The following RASA3 variants were observed in gnomAD, a reference collection of about 807,000 sequenced individuals.
RASA3 encodes the protein ras GTPase-activating protein 3.
Under a neutral mutation model 110.0 loss-of-function variants are expected in RASA3, and 73 were observed. The ratio of observed to expected loss-of-function variants is 0.66; its 90% CI spans 0.55 to 0.81. RASA3 has a LOEUF of 0.81. Ranked by LOEUF, RASA3 falls within the 30% of genes least tolerant of loss-of-function variation. The pLI, the probability that RASA3 is intolerant of heterozygous loss-of-function variation, is 0.00. For missense variants in RASA3, 976 were observed against 1,113.2 expected, an observed-to-expected ratio of 0.88 and a Z score of 1.75; for synonymous variants, 500 against 451.4, an observed-to-expected ratio of 1.11 and a Z score of -1.37.
chr13:114,094,144 T>TC (rs1363180590), intron 1 of RASA3, among the ~76,000 whole-genome samples: 1 of 152,110 alleles, frequency 6.6e-6, no homozygotes, highest in Non-Finnish European at 1.5e-5. Flanking sequence ...ATCCCAAGAG[T>TC]CCCACAGAGA....
chr13:114,016,163 G>T lies in RASA3; in HGVS notation c.1281+34C>A. The stretch of plus-strand genomic sequence containing the variant: ...ATCGGCTGAAAAACCCCAAGCAGGT[G>T]ACTGGCTTTGGTTGGTTCATGAACA... On this transcript the variant is annotated intron_variant, in intron 13 of 23. Transcript: ENST00000334062. 6 of 1,526,746 alleles carry T rather than the reference G, an allele frequency of 3.9e-6. No homozygotes were observed. In the South Asian group the frequency reaches 6.7e-5, roughly 17 times the overall value. The allele number at this position is 1,526,746 out of a possible 1,614,324, so 94.6% of individuals were successfully genotyped here.
chr13:114,063,700 A>T (rs2079400100), intron 2 of RASA3, among the ~76,000 whole-genome samples: 1 of 152,228 alleles, frequency 6.6e-6, no homozygotes, highest in Admixed American at 6.5e-5. Context: ...GGGAACGCAG[A>T]TCTGTGCAGT....
At chr13:114,072,029 C>A (rs1318233567) in intron 2 of RASA3, among the ~76,000 whole-genome samples, 2 of 152,164 alleles carry the variant, frequency 1.3e-5, no homozygotes, top group Non-Finnish European at 2.9e-5. Context: ...CCAAGCCGCT[C>A]CTTATAACCC....
chr13:114,056,750 C>A lies in RASA3; in HGVS notation c.174-4595G>T. ...TAAAAATAGCAGAAAGAGGAAGCTA[C>A]AAGAAAACATACGAACTCCATAAAA... On this transcript the variant is annotated intron_variant, in intron 2 of 23. Transcript: ENST00000334062. The surrounding 1 kb of genome is among the most constrained non-coding windows in gnomAD (Gnocchi z 5.7). The A allele has an allele frequency of 1.2e-6, 1 of 851,014 alleles. No homozygotes were observed. Among genetic ancestry groups the A allele is most frequent in the South Asian group, 5.4e-5 (1 of 18,658 alleles). 52.7% of individuals were successfully genotyped at this position (851,014 alleles called of 1,614,324 possible).
At chr13:113,995,049 C>T (rs985958293) in intron 21 of RASA3, among the ~76,000 whole-genome samples, 3 of 152,244 alleles carry the variant, frequency 2.0e-5, no homozygotes, top group African/African-American at 4.8e-5. Flanking sequence ...ATAGGGGAGG[C>T]TCCCGAGCTG....
At chr13:114,076,098 G>A (rs374004205) in intron 1 of RASA3, among the ~76,000 whole-genome samples, 3 of 152,224 alleles carry the variant, frequency 2.0e-5, no homozygotes, top group Non-Finnish European at 2.9e-5. Context: ...GCTTGCGGCC[G>A]TTTCCCGCCA....
intron 4 of RASA3, among the ~76,000 whole-genome samples, chr13:114,039,432 C>CA (rs1366362146): frequency 6.6e-6 from 1 of 152,142 alleles, no homozygotes; most frequent in African/African-American, 2.4e-5. Context: ...ACCCTACACT[C>CA]AGACGCTCAC....
At chr13:114,108,477 G>A (rs1208574224) in intron 1 of RASA3, among the ~76,000 whole-genome samples, 2 of 60,294 alleles carry the variant, frequency 3.3e-5, no homozygotes, top group African/African-American at 6.7e-5. Context: ...ATCACCCCAC[G>A]TCCATGATCC....
chr13:114,064,807 T>G (rs1417987689), intron 2 of RASA3, among the ~76,000 whole-genome samples: 1 of 152,228 alleles, frequency 6.6e-6, no homozygotes, highest in Admixed American at 6.5e-5. Flanking sequence ...AGATGCGGGA[T>G]GAATGCCTGG....
chr13:114,131,713 CGCACACAT>C (rs1566595512), intron 1 of RASA3, among the ~76,000 whole-genome samples: 1 of 152,248 alleles, frequency 6.6e-6, no homozygotes, highest in East Asian at 1.9e-4. Context: ...CCAGCACACA[CGCACACAT>C]GCACACACAC....
intron 1 of RASA3, among the ~76,000 whole-genome samples, chr13:114,101,052 G>A (rs1338615707): frequency 6.6e-6 from 1 of 152,186 alleles, no homozygotes; most frequent in African/African-American, 2.4e-5. Context: ...GGCCTGAGGA[G>A]CAGCCGGGGG....
chr13:114,078,131 G>A (rs190867487), intron 1 of RASA3, among the ~76,000 whole-genome samples: 1 of 152,278 alleles, frequency 6.6e-6, no homozygotes. Context: ...GCCTGGCCAC[G>A]TCGCCCCGGG....
intron 1 of RASA3, among the ~76,000 whole-genome samples, chr13:114,088,946 G>T (rs562243593): frequency 8.3e-4 from 126 of 152,262 alleles, no homozygotes; most frequent in Non-Finnish European, 1.4e-3. Flanking sequence ...CGATCCGTAA[G>T]AAATAAATAG....
intron 22 of RASA3, among the ~76,000 whole-genome samples, chr13:113,991,925 CAT>C (rs547692251): frequency 1.1e-3 from 162 of 152,174 alleles, no homozygotes; most frequent in Middle Eastern, 6.8e-3. Context: ...CACTCTCATA[CAT>C]GTCATGTCCA....
In RASA3 at chr13:114,018,861, A is replaced by G; in HGVS notation, c.844T>C (p.Ser282Pro). The G allele has an allele frequency of 6.2e-7, 1 of 1,613,926 alleles. No homozygotes were observed. The highest frequency in any genetic ancestry group is 8.5e-7 in the Non-Finnish European group (1 of 1,179,992). The change falls in exon 10 of 24, where the codon TCC (serine) becomes CCC (proline). Residue 282 changes from serine to proline, a missense_variant. Physicochemically the swap from Ser to Pro is moderately conservative, Grantham distance 74. Around this residue, in one of 4 missense-constraint regions of RASA3, gnomAD observed 732 missense variants for 779.7 expected, o/e 0.94. Transcript: ENST00000334062. The stretch of plus-strand genomic sequence containing the variant: ...GTGTATACCACGTTCAGCCGCAGGG[A>G]GCCCAGGTCGTCTGGCTTTAGGCTC... The part of the protein sequence containing the change: ...SKSLKPDDLG[S>P]LRLNVVYTED...
intron 4 of RASA3, among the ~76,000 whole-genome samples, chr13:114,034,079 C>T (rs2054234006): frequency 6.6e-6 from 1 of 152,180 alleles, no homozygotes; most frequent in South Asian, 2.1e-4. Context: ...CCCTGAACAC[C>T]AGCCGGGCAG....
chr13:114,103,119 G>A (rs1291248657), intron 1 of RASA3, among the ~76,000 whole-genome samples: 7 of 152,194 alleles, frequency 4.6e-5, no homozygotes, highest in African/African-American at 9.7e-5. Context: ...GCCAATGGCC[G>A]TGACTGTTGC....
At chr13:114,109,943 G>A (rs1433161866) in intron 1 of RASA3, among the ~76,000 whole-genome samples, 1 of 152,114 alleles carries the variant, frequency 6.6e-6, no homozygotes, top group African/African-American at 2.4e-5. Flanking sequence ...TGAACGTCCC[G>A]TCTCCTCAGC....
intron 4 of RASA3, chr13:114,035,779 C>T (rs1340767446): frequency 6.6e-6 from 1 of 152,288 alleles, no homozygotes; most frequent in Non-Finnish European, 1.5e-5. Context: ...GAAGGAAGCC[C>T]AGCCTCGGCC....
Sources: allele counts gnomAD v4.1 joint callset (sites outside exome capture counted in the v4.1 genomes callset), GRCh38; gene constraint gnomAD v4.1.1; regional missense constraint gnomAD v4.1.1; non-coding constraint Gnocchi (gnomAD v3.1); transcripts MANE v1.5; gene names NCBI Gene and HGNC (gene_info 2026-07-23, HGNC 2026-07-21).